PRKACB: variants seen among roughly 807,000 people sequenced by gnomAD.
The protein encoded by PRKACB is cAMP-dependent protein kinase catalytic subunit beta.
PRKACB carries 16 observed loss-of-function variants against 51.4 expected under a neutral mutation model. The observed-to-expected ratio is 0.31, with a 90% CI of 0.21 to 0.47. The LOEUF is 0.47. Ranked by LOEUF, PRKACB falls within the 20% of genes least tolerant of loss-of-function variation. PRKACB has a pLI of 1.00. For missense variants in PRKACB, 309 were observed against 464.5 expected (o/e 0.67, Z 3.08); for synonymous variants, 147 against 154.4 (o/e 0.95, Z 0.35).
chr1:84,214,085 T>A (rs1672526675), intron 8 of PRKACB, 68 bp from the exon 9 acceptor site: 1 of 1,435,196 alleles, frequency 7.0e-7, no homozygotes, highest in South Asian at 1.6e-5. Flanking sequence ...AAAAAAACTT[T>A]ATGAAATCAA....
chr1:84,166,047 T>C (rs1026473524), intron 1 of PRKACB, among the ~76,000 whole-genome samples: 9 of 151,694 alleles, frequency 5.9e-5, no homozygotes, highest in Non-Finnish European at 1.3e-4. Flanking sequence ...AACCAATAAA[T>C]ATTCTTTATC....
chr1:84,142,617 A>G (rs1450552078), upstream of PRKACB, among the ~76,000 whole-genome samples: 1 of 152,232 alleles, frequency 6.6e-6, no homozygotes, highest in Non-Finnish European at 1.5e-5. Flanking sequence ...CACAAAACAA[A>G]GTATACAGAA....
intron 1 of PRKACB, among the ~76,000 whole-genome samples, chr1:84,116,910 G>A (rs1012490827): frequency 6.6e-6 from 1 of 152,084 alleles, no homozygotes; most frequent in African/African-American, 2.4e-5. Flanking sequence ...TTAGAGGAAA[G>A]GTTTTCAACT....
chr1:84,212,146 C>G (rs1240869469), intron 8 of PRKACB, among the ~76,000 whole-genome samples: 4 of 152,172 alleles, frequency 2.6e-5, no homozygotes, highest in Non-Finnish European at 5.9e-5. Context: ...AATAAAACCT[C>G]TGCATAAAGT....
chr1:84,152,050 A>G (rs1654914950), intron 1 of PRKACB, among the ~76,000 whole-genome samples: 1 of 152,248 alleles, frequency 6.6e-6, no homozygotes, highest in Non-Finnish European at 1.5e-5. Flanking sequence ...TTTCTTAAAT[A>G]ATAAGACCTG....
chr1:84,107,621 G>A (rs1326812577), intron 1 of PRKACB, among the ~76,000 whole-genome samples: 2 of 151,922 alleles, frequency 1.3e-5, no homozygotes, highest in Non-Finnish European at 2.9e-5. Context: ...AATCTACAGG[G>A]AACTTAAACA....
chr1:84,123,638 C>T (rs1053498529), intron 1 of PRKACB, among the ~76,000 whole-genome samples: 27 of 152,016 alleles, frequency 1.8e-4, no homozygotes, highest in African/African-American at 6.0e-4. Flanking sequence ...TAAAGTAGAA[C>T]GCTATAAAAT....
At chr1:84,087,763 C>A (rs1330789441) in intron 1 of PRKACB, among the ~76,000 whole-genome samples, 1 of 152,106 alleles carries the variant, frequency 6.6e-6, no homozygotes, top group African/African-American at 2.4e-5. Flanking sequence ...GATAAGTCTT[C>A]TTCTTGCTAA....
At chr1:84,211,263 A>G (rs1227941381) in intron 8 of PRKACB, among the ~76,000 whole-genome samples, 1 of 152,178 alleles carries the variant, frequency 6.6e-6, no homozygotes, top group Non-Finnish European at 1.5e-5. Flanking sequence ...AATTCCAAAG[A>G]TAATTTATAT....
intron 9 of PRKACB, 115 bp downstream of exon 9, chr1:84,214,432 T>A: frequency 9.7e-7 from 1 of 1,032,492 alleles, no homozygotes; most frequent in Non-Finnish European, 1.3e-6. Flanking sequence ...TTTGAATTAA[T>A]CTTGTGCAGG....
chr1:84,097,792 A>T (rs1334550585), intron 1 of PRKACB, among the ~76,000 whole-genome samples: 2 of 152,006 alleles, frequency 1.3e-5, no homozygotes, highest in African/African-American at 4.8e-5. Context: ...AAAAGAAAAA[A>T]CAAAAACAAA....
Position 84,173,181 on chromosome 1 carries a change from A to G in PRKACB, c.188-5996A>G, listed in dbSNP as rs114973228. 2,365 of 495,888 alleles carry G rather than the reference A, an allele frequency of 4.8e-3. 63 individuals carry two copies. The highest frequency in any genetic ancestry group is 0.044 in the African/African-American group (2,174 of 49,756). 30.7% of individuals were successfully genotyped at this position (495,888 alleles called of 1,614,324 possible). ...ATCCAAAGAATTTCTTGTAATCCTT[A>G]TATAATACATTTTTGGTATGTATGT... On this transcript the variant is annotated intron_variant, in intron 1 of 9. Transcript: ENST00000370685.
In PRKACB at chr1:84,149,099, T is replaced by C. The variant is rs376027716; in HGVS notation, c.187+4551T>C. On this transcript the variant is annotated intron_variant, in intron 1 of 9. Coordinates refer to ENST00000370685, the MANE Select transcript of PRKACB (RefSeq NM_182948.4). ...AAGCACTTTTTCCCTAATAACATTT[T>C]AATATGATTTCCAAATGTATATCTT... 1.6e-4 allele frequency among the ~76,000 whole-genome samples: 24 copies of C among 152,256 alleles called. No homozygotes were observed. In the East Asian group the frequency reaches 3.7e-3, roughly 23 times the overall value.
intron 1 of PRKACB, among the ~76,000 whole-genome samples, chr1:84,153,899 G>A (rs1047304504): frequency 1.3e-5 from 2 of 152,074 alleles, no homozygotes; most frequent in Non-Finnish European, 2.9e-5. Context: ...ATACTTAGAA[G>A]CTGGATCATA....
At chr1:84,137,545 G>A (rs1652949894) in intron 1 of PRKACB, among the ~76,000 whole-genome samples, 2 of 152,182 alleles carry the variant, frequency 1.3e-5, no homozygotes, top group South Asian at 4.1e-4. Flanking sequence ...ATCTGAGGAT[G>A]GAATGCAGGA....
intron 8 of PRKACB, among the ~76,000 whole-genome samples, chr1:84,206,201 C>T (rs757760336): frequency 6.6e-6 from 1 of 152,050 alleles, no homozygotes; most frequent in African/African-American, 2.4e-5. Context: ...AAATATTGTT[C>T]CACTCCTAAT....
intron 1 of PRKACB, among the ~76,000 whole-genome samples, chr1:84,100,183 A>G (rs887509581): frequency 6.6e-6 from 1 of 152,178 alleles, no homozygotes; most frequent in African/African-American, 2.4e-5. Context: ...ACATGAAGGA[A>G]GAACTGTCAA....
At position 84,196,752 on chromosome 1, in the gene PRKACB, T is replaced by TGGGTTTGCCAAAAGAGTTAAAGGCAG; in HGVS notation, c.687+10_687+11insGGGTTTGCCAAAAGAGTTAAAGGCAG. The stretch of plus-strand genomic sequence containing the variant: ...TCAAGGCTATATCCAGGTATGACTT[T>TGGGTTTGCCAAAAGAGTTAAAGGCAG]AACACATTATGTGTACTGTATATGA... On this transcript the variant is annotated intron_variant, in intron 6 of 9. Coordinates refer to ENST00000370685, the MANE Select transcript of PRKACB (RefSeq NM_182948.4). 6.2e-7 allele frequency: 1 copy of TGGGTTTGCCAAAAGAGTTAAAGGCAG among 1,610,246 alleles called. No individual in the cohort carries two copies. The highest frequency in any genetic ancestry group is 8.5e-7 in the Non-Finnish European group (1 of 1,177,032).
chr1:84,228,364 T>C (rs932828892), intron 9 of PRKACB, among the ~76,000 whole-genome samples: 2 of 152,184 alleles, frequency 1.3e-5, no homozygotes, highest in Non-Finnish European at 2.9e-5. Flanking sequence ...TTTAGCCGCT[T>C]ATCAGTCATG....
Sources: allele counts gnomAD v4.1 joint callset (sites outside exome capture counted in the v4.1 genomes callset), GRCh38; gene constraint gnomAD v4.1.1; transcripts MANE v1.5; gene names NCBI Gene and HGNC (gene_info 2026-07-23, HGNC 2026-07-21).